ENOX1: variants seen among roughly 807,000 people sequenced by gnomAD.
The protein encoded by ENOX1 is candidate growth-related and time keeping constitutive hydroquinone (NADH) oxidase.
A neutral mutation model predicts 82.5 loss-of-function variants in ENOX1; 42 were observed. The ratio of observed to expected loss-of-function variants is 0.51; its 90% CI spans 0.40 to 0.66. The LOEUF is 0.66. Ranked by LOEUF, ENOX1 falls within the 30% of genes least tolerant of loss-of-function variation. The probability of loss-of-function intolerance (pLI) is 0.00; values close to 1 mark genes in which losing one functional copy is unlikely to be tolerated. For missense variants in ENOX1, 608 were observed against 811.6 expected, an observed-to-expected ratio of 0.75 and a Z score of 3.05; for synonymous variants, 271 against 282.2, an observed-to-expected ratio of 0.96 and a Z score of 0.40.
At chr13:43,661,447 G>C (rs1398342137) in intron 2 of ENOX1, among the ~76,000 whole-genome samples, 1 of 152,190 alleles carries the variant, frequency 6.6e-6, no homozygotes, top group African/African-American at 2.4e-5. Flanking sequence ...AACCCAAGTA[G>C]TAGGGAATGA....
chr13:43,317,208 C>G (rs1439206658), intron 11 of ENOX1, among the ~76,000 whole-genome samples: 1 of 152,220 alleles, frequency 6.6e-6, no homozygotes, highest in African/African-American at 2.4e-5. Context: ...AAGTTCTGAG[C>G]CAATCTCGGG....
intron 1 of ENOX1, among the ~76,000 whole-genome samples, chr13:43,671,695 G>C (rs1401669152): frequency 6.6e-6 from 1 of 152,138 alleles, no homozygotes; most frequent in Non-Finnish European, 1.5e-5. Context: ...TACAGATCAG[G>C]AAAGGGACTG....
At chr13:43,562,360 C>T (rs1432854688) in intron 2 of ENOX1, among the ~76,000 whole-genome samples, 1 of 151,494 alleles carries the variant, frequency 6.6e-6, no homozygotes, top group African/African-American at 2.4e-5. Flanking sequence ...ATGGTAACCT[C>T]AAATAAAAAA....
chr13:43,675,592 T>C (rs908263248), intron 1 of ENOX1, among the ~76,000 whole-genome samples: 5 of 152,236 alleles, frequency 3.3e-5, no homozygotes, highest in African/African-American at 7.2e-5. Flanking sequence ...TTTTAAATCA[T>C]GTCAGCAATC....
At chr13:43,744,557 G>A (rs554973527) in intron 1 of ENOX1, among the ~76,000 whole-genome samples, 1 of 152,142 alleles carries the variant, frequency 6.6e-6, no homozygotes. Flanking sequence ...AATGGAAGAC[G>A]TGATGAACTA....
chr13:43,768,846 G>A (rs1566903862), intron 1 of ENOX1, among the ~76,000 whole-genome samples: 1 of 152,122 alleles, frequency 6.6e-6, no homozygotes, highest in Non-Finnish European at 1.5e-5. Flanking sequence ...CTCGTTGTCT[G>A]CCTAGGTCAC....
chr13:43,673,679 T>C (rs2085371799), intron 1 of ENOX1, among the ~76,000 whole-genome samples: 1 of 152,222 alleles, frequency 6.6e-6, no homozygotes, highest in Non-Finnish European at 1.5e-5. Context: ...TCTCCTGAAG[T>C]AGCCTATATT....
chr13:43,594,880 C>G (rs932359757), intron 2 of ENOX1, among the ~76,000 whole-genome samples: 2 of 152,074 alleles, frequency 1.3e-5, no homozygotes, highest in African/African-American at 4.8e-5. Context: ...GGGTGATGAA[C>G]AGCCTCCAGT....
chr13:43,390,186 A>T (rs2052685106), intron 5 of ENOX1, among the ~76,000 whole-genome samples: 1 of 152,166 alleles, frequency 6.6e-6, no homozygotes, highest in Non-Finnish European at 1.5e-5. Context: ...GTTTCACAAT[A>T]ATCAATTAAT....
intron 2 of ENOX1, among the ~76,000 whole-genome samples, chr13:43,528,470 T>C (rs532798749): frequency 6.6e-6 from 1 of 152,100 alleles, no homozygotes; most frequent in Non-Finnish European, 1.5e-5. Flanking sequence ...CAAAAGCACA[T>C]AGATGAGAAT....
intron 14 of ENOX1, among the ~76,000 whole-genome samples, chr13:43,238,224 G>C (rs972127295): frequency 6.6e-6 from 1 of 152,168 alleles, no homozygotes; most frequent in East Asian, 1.9e-4. Context: ...TACTAGAGAT[G>C]AAAGATGCTC....
chr13:43,752,653 T>C (rs1285573940), intron 1 of ENOX1, among the ~76,000 whole-genome samples: 3 of 152,204 alleles, frequency 2.0e-5, no homozygotes, highest in East Asian at 3.9e-4. Context: ...ATTGCCCCCA[T>C]GCCTTGGTCT....
intron 11 of ENOX1, among the ~76,000 whole-genome samples, chr13:43,320,905 T>C (rs1342733207): frequency 6.6e-6 from 1 of 152,210 alleles, no homozygotes; most frequent in East Asian, 1.9e-4. Context: ...TGTGAAGGTT[T>C]GTAGAATAGA....
intron 7 of ENOX1, among the ~76,000 whole-genome samples, chr13:43,358,544 T>G (rs566328604): frequency 1.3e-5 from 2 of 152,068 alleles, no homozygotes; most frequent in South Asian, 2.1e-4. Context: ...GTCCCCAGGA[T>G]AGGGTTCTTG....
intron 2 of ENOX1, among the ~76,000 whole-genome samples, chr13:43,651,842 G>T (rs1244655973): frequency 6.6e-6 from 1 of 151,818 alleles, no homozygotes; most frequent in Non-Finnish European, 1.5e-5. Flanking sequence ...GGGGGTAGTG[G>T]CACATGCCTG....
At chr13:43,782,480 A>T (rs1952334620) in intron 1 of ENOX1, among the ~76,000 whole-genome samples, 1 of 152,180 alleles carries the variant, frequency 6.6e-6, no homozygotes, top group Non-Finnish European at 1.5e-5. Context: ...AGAATAAGTT[A>T]ATAGCAGGCT....
intron 8 of ENOX1, among the ~76,000 whole-genome samples, 169 bp downstream of exon 8, chr13:43,355,750 C>T (rs986055700): frequency 6.6e-6 from 1 of 152,288 alleles, no homozygotes; most frequent in South Asian, 2.1e-4. Context: ...CCCAGCTAAC[C>T]CCACCCCAGC....
chr13:43,226,181 G>A (rs1212338639), intron 15 of ENOX1, among the ~76,000 whole-genome samples: 1 of 152,052 alleles, frequency 6.6e-6, no homozygotes, highest in Admixed American at 6.5e-5. Flanking sequence ...ACTAATAAGA[G>A]TTAAAATATA....
intron 2 of ENOX1, among the ~76,000 whole-genome samples, chr13:43,652,552 C>T (rs2084242049): frequency 2.0e-5 from 3 of 152,052 alleles, no homozygotes; most frequent in Non-Finnish European, 2.9e-5. Context: ...TAAAGTGGTC[C>T]ATAGGGTTAG....
Sources: allele counts gnomAD v4.1 joint callset (sites outside exome capture counted in the v4.1 genomes callset), GRCh38; gene constraint gnomAD v4.1.1; transcripts MANE v1.5; gene names NCBI Gene and HGNC (gene_info 2026-07-23, HGNC 2026-07-21).